The following DTNA variants were observed in gnomAD, a reference collection of about 807,000 sequenced individuals.
DTNA encodes the protein dystrobrevin alpha.
In DTNA, 43 loss-of-function variants were observed where a neutral mutation model predicts 100.7. That is an observed-to-expected ratio of 0.43 (90% CI 0.33 to 0.55). The LOEUF (loss-of-function observed/expected upper bound fraction) is 0.55, where lower values mean the gene tolerates loss of function less well. Ranked by LOEUF, DTNA falls within the 20% of genes least tolerant of loss-of-function variation. The pLI is 0.04. For missense variants in DTNA, 798 were observed against 953.9 expected, an observed-to-expected ratio of 0.84 and a Z score of 2.15; for synonymous variants, 349 against 347.9, an observed-to-expected ratio of 1.00 and a Z score of -0.04.
intron 3 of DTNA, among the ~76,000 whole-genome samples, chr18:34,790,113 C>A (rs750378675): frequency 1.1e-4 from 17 of 152,184 alleles, no homozygotes; most frequent in Non-Finnish European, 2.4e-4. Flanking sequence ...TGAGTCATTT[C>A]TTTGTCATTC....
At chr18:34,794,327 A>G in intron 4 of DTNA, 77 bp downstream of exon 4, 1 of 1,510,392 alleles carries the variant, frequency 6.6e-7, no homozygotes, top group Non-Finnish European at 9.1e-7. Context: ...TTTTTCCCAA[A>G]CAATTTTATA....
chr18:34,497,254 A>G (rs1233779358), intron 1 of DTNA, among the ~76,000 whole-genome samples: 1 of 152,166 alleles, frequency 6.6e-6, no homozygotes, highest in Non-Finnish European at 1.5e-5. Flanking sequence ...AGATTGTCTC[A>G]ACTACCCAAA....
intron 3 of DTNA, among the ~76,000 whole-genome samples, chr18:34,778,325 A>C (rs938503744): frequency 1.3e-5 from 2 of 152,230 alleles, no homozygotes; most frequent in Non-Finnish European, 2.9e-5. Flanking sequence ...TAAAAAGACA[A>C]TTGCATTTTT....
intron 11 of DTNA, among the ~76,000 whole-genome samples, chr18:34,830,638 G>T (rs1184646428): frequency 6.6e-6 from 1 of 152,092 alleles, no homozygotes; most frequent in Non-Finnish European, 1.5e-5. Context: ...ATTCTCAAAG[G>T]CACTCTCCCT....
At chr18:34,882,318 A>G in intron 21 of DTNA, 117 bp downstream of exon 21, 1 of 1,375,806 alleles carries the variant, frequency 7.3e-7, no homozygotes, top group South Asian at 1.3e-5. Flanking sequence ...CCTTTTCAAA[A>G]TACACTGATT....
chr18:34,624,864 TC>T (rs2057087051), intron 1 of DTNA, among the ~76,000 whole-genome samples: 1 of 152,098 alleles, frequency 6.6e-6, no homozygotes, highest in Non-Finnish European at 1.5e-5. Flanking sequence ...ACACTTTTTT[TC>T]ATTTGTTTTG....
Position 34,815,956 on chromosome 18 carries a change from T to G in DTNA, c.651T>G (p.Pro217=). 1.2e-6 allele frequency: 2 copies of G among 1,613,848 alleles called. No homozygotes were observed. The highest frequency in any genetic ancestry group is 1.7e-6 in the Non-Finnish European group (2 of 1,179,780). The change falls in exon 7 of 23, where the codon CCT becomes CCG. Residue 217 remains proline (P), a synonymous_variant. Coordinates refer to ENST00000444659, the MANE Select transcript of DTNA (RefSeq NM_001386795.1). ...TCTTGGACACGCTTATGTCAGATCC[T>G]CCCCCGCAGTGTCTGGTCTGGTTGC... ...NGFLDTLMSD[P]PPQCLVWLPL...
intron 1 of DTNA, among the ~76,000 whole-genome samples, chr18:34,701,566 T>G (rs967871668): frequency 6.6e-6 from 1 of 152,102 alleles, no homozygotes; most frequent in African/African-American, 2.4e-5. Flanking sequence ...TGTATCTGCA[T>G]CCAAGCCCTA....
At chr18:34,608,204 C>A (rs1390338924) in intron 1 of DTNA, among the ~76,000 whole-genome samples, 2 of 152,166 alleles carry the variant, frequency 1.3e-5, no homozygotes, top group African/African-American at 4.8e-5. Flanking sequence ...GAATTGGAAG[C>A]ATGCTTATGT....
At chr18:34,670,856 C>T (rs2076649359) in intron 1 of DTNA, among the ~76,000 whole-genome samples, 1 of 152,206 alleles carries the variant, frequency 6.6e-6, no homozygotes, top group African/African-American at 2.4e-5. Context: ...CCCAGATAGG[C>T]TACTCGGGGG....
rs2096941536 is a variant in DTNA at position 34,888,457 on chromosome 18, T to C, written c.*723T>C. The C allele has an allele frequency of 4.1e-6, 4 of 985,854 alleles. No individual in the cohort carries two copies. Among genetic ancestry groups the C allele is most frequent in the East Asian group, 1.1e-4 (1 of 8,810 alleles). The allele number at this position is 985,854 out of a possible 1,614,324, so 61.1% of individuals were successfully genotyped here. ...AACACACCAGGAATAATCCATTCTT[T>C]GGGGCCTCTTTCCAACTCGAGGTTG... On this transcript the variant is annotated 3_prime_UTR_variant, in exon 23 of 23. Coordinates refer to ENST00000444659, the MANE Select transcript of DTNA (RefSeq NM_001386795.1).
chr18:34,521,906 A>G (rs867460259), intron 1 of DTNA, among the ~76,000 whole-genome samples: 4 of 152,052 alleles, frequency 2.6e-5, no homozygotes, highest in South Asian at 2.1e-4. Context: ...CTCCCCCACT[A>G]CAATGTAAGC....
chr18:34,791,100 G>A (rs2094719663), intron 3 of DTNA, among the ~76,000 whole-genome samples: 1 of 152,148 alleles, frequency 6.6e-6, no homozygotes, highest in Non-Finnish European at 1.5e-5. Flanking sequence ...GAACCCTTAT[G>A]TGGGCCACTC....
chr18:34,553,724 G>A (rs1276955010), intron 1 of DTNA, among the ~76,000 whole-genome samples: 1 of 151,664 alleles, frequency 6.6e-6, no homozygotes, highest in Non-Finnish European at 1.5e-5. Flanking sequence ...GCTCTGTTCT[G>A]TTCCATTGAT....
chr18:34,789,064 T>A (rs1251856411), intron 3 of DTNA, among the ~76,000 whole-genome samples: 9 of 152,226 alleles, frequency 5.9e-5, no homozygotes, highest in Admixed American at 5.9e-4. Flanking sequence ...CATTTTATTT[T>A]TATTAATAAA....
At chr18:34,877,924 A>G in intron 19 of DTNA, 116 bp downstream of exon 19, 1 of 972,658 alleles carries the variant, frequency 1.0e-6, no homozygotes, top group Non-Finnish European at 1.6e-6. Context: ...TTAAAGCTCT[A>G]TGTGATATTT....
In DTNA at chr18:34,714,259, C is replaced by G. The variant is rs62097197; in HGVS notation, c.-2+3814C>G. On this transcript the variant is annotated intron_variant, in intron 1 of 22. Transcript: ENST00000444659. ...GATCTAATTAAACTAAAGAGCTTCT[C>G]CACAGCAAAAGAAACTACCATCAGA... Among the ~76,000 whole-genome samples, 37 of 148,798 alleles carry G rather than the reference C, an allele frequency of 2.5e-4. No homozygotes were observed. The East Asian group carries it at 4.0e-3, about 16-fold the overall frequency.
chr18:34,528,629 C>T (rs1334251409), intron 1 of DTNA, among the ~76,000 whole-genome samples: 2 of 152,050 alleles, frequency 1.3e-5, no homozygotes, highest in Non-Finnish European at 2.9e-5. Flanking sequence ...GCATTAGTGT[C>T]ATGTTTCACA....
intron 8 of DTNA, among the ~76,000 whole-genome samples, chr18:34,819,895 G>A (rs2095670018): frequency 6.6e-6 from 1 of 151,734 alleles, no homozygotes; most frequent in African/African-American, 2.4e-5. Context: ...AAAAGAAAGT[G>A]ACAAAATTTG....
Sources: allele counts gnomAD v4.1 joint callset (sites outside exome capture counted in the v4.1 genomes callset), GRCh38; gene constraint gnomAD v4.1.1; transcripts MANE v1.5; gene names NCBI Gene and HGNC (gene_info 2026-07-23, HGNC 2026-07-21).